The following CFAP69 variants were observed in gnomAD, a reference collection of about 807,000 sequenced individuals.
CFAP69 encodes cilia- and flagella-associated protein 69.
A neutral mutation model predicts 123.0 loss-of-function variants in CFAP69; 92 were observed. The ratio of observed to expected loss-of-function variants is 0.75; its 90% CI spans 0.63 to 0.89. The LOEUF (loss-of-function observed/expected upper bound fraction) is 0.89, where lower values mean the gene tolerates loss of function less well. Ranked by LOEUF, CFAP69 falls within the 40% of genes least tolerant of loss-of-function variation. The pLI is 0.00. For synonymous variants in CFAP69, 380 were observed against 364.3 expected (o/e 1.04, Z -0.49); for missense variants, 1,067 against 1,096.9 (o/e 0.97, Z 0.39).
rs753648703 is a variant in CFAP69 at position 90,286,357 on chromosome 7, A to T, written c.1614A>T (p.Leu538Phe). ...AIVLEIQSDI[L>F]LILSGLCENH... Reference sequence around the variant, plus strand: ...TTTTGGAAATCCAGTCTGATATATTACTTATCCTATCTGGCCTTTGTGAGA... The same window carrying T: ...TTTTGGAAATCCAGTCTGATATATTTCTTATCCTATCTGGCCTTTGTGAGA... Residue 538 changes from leucine to phenylalanine, a missense_variant, in exon 14 of 23, where the codon TTA becomes TTT. Physicochemically the swap from Leu to Phe is conservative, Grantham distance 22. Transcript: ENST00000389297. 5.3e-5 allele frequency: 86 copies of T among 1,612,082 alleles called. No homozygotes were observed. Among genetic ancestry groups the T allele is most frequent in the Non-Finnish European group, 6.5e-5 (77 of 1,179,186 alleles).
At chr7:90,285,481 G>T (rs758292345) in intron 13 of CFAP69, among the ~76,000 whole-genome samples, 1 of 152,072 alleles carries the variant, frequency 6.6e-6, no homozygotes, top group East Asian at 1.9e-4. Flanking sequence ...ATATCATTTC[G>T]TCAGTGTTAG....
Position 90,245,184 on chromosome 7 carries a change from T to G in CFAP69, c.-241T>G. ...CTGGCCCCGCCCCCTAGCAACGCGC[T>G]GGCTTGTGTTAACAACCGGCCCGGG... On this transcript the variant is annotated 5_prime_UTR_variant, in exon 1 of 23. Transcript: ENST00000389297. The G allele has an allele frequency of 4.9e-6, 2 of 408,432 alleles. No homozygotes were observed. The highest frequency in any genetic ancestry group is 4.0e-5 in the East Asian group (1 of 25,004). The allele number at this position is 408,432 out of a possible 1,614,324, so 25.3% of individuals were successfully genotyped here.
rs1796502644 is a variant in CFAP69 at position 90,247,689 on chromosome 7, T to TA, written c.120+2146dup. 4.6e-5 allele frequency among the ~76,000 whole-genome samples: 7 copies of TA among 151,938 alleles called. No homozygotes were observed. In the South Asian group the frequency reaches 1.5e-3, roughly 32 times the overall value. ...GGTGAAACCCCGTCTCTACTAAAAATACAAAAATTAGGTGGGCATGGTGAT... is the reference window on the plus strand; with the variant it reads ...GGTGAAACCCCGTCTCTACTAAAAATAACAAAAATTAGGTGGGCATGGTGAT... On this transcript the variant is annotated intron_variant, in intron 1 of 22. Transcript: ENST00000389297.
At position 90,298,107 on chromosome 7, in the gene CFAP69, A is replaced by G. The variant is rs75980973; in HGVS notation, c.1857+277A>G. ...ATTTGTTTTTCTTTGTACTCCATCA[A>G]CCTGTTAAGAAACAGTTTGTGAAGA... is the stretch of plus-strand genomic sequence containing the variant. On this transcript the variant is annotated intron_variant, in intron 16 of 22. Transcript: ENST00000389297. Among the ~76,000 whole-genome samples, 131 of 152,332 alleles carry G rather than the reference A, an allele frequency of 8.6e-4. 4 individuals are homozygous for G. The East Asian group carries it at 0.025, about 29-fold the overall frequency.
chr7:90,291,082 G>C (rs1249468361), intron 15 of CFAP69, among the ~76,000 whole-genome samples: 1 of 152,146 alleles, frequency 6.6e-6, no homozygotes, highest in Admixed American at 6.6e-5. Flanking sequence ...CGAAAGAGAG[G>C]GTTCTTGGAT....
chr7:90,319,620 G>A, the CFAP69 span: 1 of 398,602 alleles, frequency 2.5e-6, no homozygotes, highest in Non-Finnish European at 4.4e-6. Flanking sequence ...GGAGATCAAT[G>A]TCTTTGGTGA....
At chr7:90,312,643 A>G (rs970521842), downstream of CFAP69, 1 of 152,192 alleles carries the variant, frequency 6.6e-6, no homozygotes, top group Non-Finnish European at 1.5e-5. Flanking sequence ...GCCACCACAC[A>G]GTGAGTGAGT....
chr7:90,302,742 C>T (rs1463610590), intron 17 of CFAP69: 4 of 152,026 alleles, frequency 2.6e-5, no homozygotes, highest in Non-Finnish European at 4.4e-5. Context: ...TTAGTTTGAA[C>T]TTAGGTAACG....
intron 4 of CFAP69, among the ~76,000 whole-genome samples, chr7:90,264,104 A>ATATATAT (rs1316608213): frequency 4.1e-5 from 2 of 48,888 alleles, no homozygotes; most frequent in South Asian, 7.8e-4. Flanking sequence ...AAAAAAAAAA[A>ATATATAT]ATATATATAT....
At chr7:90,299,276 A>G (rs1792424648) in intron 16 of CFAP69, among the ~76,000 whole-genome samples, 1 of 152,166 alleles carries the variant, frequency 6.6e-6, no homozygotes, top group South Asian at 2.1e-4. Flanking sequence ...ATTTTGGTGT[A>G]CTGAAAACTA....
At chr7:90,294,888 G>C (rs1791703040) in intron 15 of CFAP69, among the ~76,000 whole-genome samples, 1 of 152,180 alleles carries the variant, frequency 6.6e-6, no homozygotes, top group African/African-American at 2.4e-5. Flanking sequence ...TGCACAGAGG[G>C]GAAGGGAAGG....
chr7:90,302,462 A>G (rs1370468971), intron 17 of CFAP69: 3 of 152,128 alleles, frequency 2.0e-5, no homozygotes, highest in Admixed American at 1.3e-4. Context: ...TGGGTTTTAC[A>G]TTTAAGTCTT....
intron 20 of CFAP69, 131 bp from the exon 21 acceptor site, chr7:90,307,637 A>T: frequency 1.8e-6 from 1 of 553,170 alleles, no homozygotes; most frequent in Non-Finnish European, 3.1e-6. Flanking sequence ...CTACAGTCTT[A>T]AATTTTTAAA....
In CFAP69 at chr7:90,307,819, T is replaced by G; in HGVS notation, c.2515T>G (p.Phe839Val). 6.2e-7 allele frequency: 1 copy of G among 1,612,496 alleles called. No homozygotes were observed. Among genetic ancestry groups the G allele is most frequent in the Non-Finnish European group, 8.5e-7 (1 of 1,179,156 alleles). Reference protein sequence around the residue: ...RELANKSWEDFLARTSNAKTL... With the variant: ...RELANKSWEDVLARTSNAKTL... ...GCTGGCTAATAAATCATGGGAAGATTTCTTGGCTAGAACATCAAACGCTAA... is the reference window on the plus strand; with the variant it reads ...GCTGGCTAATAAATCATGGGAAGATGTCTTGGCTAGAACATCAAACGCTAA... Residue 839 changes from phenylalanine (F) to valine (V), a missense_variant, in exon 21 of 23, where the codon TTC becomes GTC. Coordinates refer to ENST00000389297, the MANE Select transcript of CFAP69 (RefSeq NM_001039706.3).
rs1372384223 is a variant in CFAP69 at position 90,266,741 on chromosome 7, G to T, written c.433+1364G>T. On this transcript the variant is annotated intron_variant, in intron 5 of 22. Transcript: ENST00000389297. ...GCGAGTACTGCTCTTCTGTTTCTTGGTTTTTTTAATGGCTGGAAACATTAA... is the reference window on the plus strand; with the variant it reads ...GCGAGTACTGCTCTTCTGTTTCTTGTTTTTTTTAATGGCTGGAAACATTAA... Among the ~76,000 whole-genome samples, 6 of 151,740 alleles carry T rather than the reference G, an allele frequency of 4.0e-5. No homozygotes were observed. The East Asian group carries it at 5.8e-4, about 15-fold the overall frequency.
At chr7:90,248,215 T>C (rs1796556315) in intron 1 of CFAP69, among the ~76,000 whole-genome samples, 1 of 152,214 alleles carries the variant, frequency 6.6e-6, no homozygotes, top group African/African-American at 2.4e-5. Context: ...TACCTGGGCT[T>C]TTGATAGCTG....
chr7:90,283,090 A>T (rs1450208362), intron 13 of CFAP69, 34 bp downstream of exon 13: 3 of 1,420,810 alleles, frequency 2.1e-6, no homozygotes, highest in Middle Eastern at 1.9e-4. Context: ...CTGATGAAAG[A>T]GGAATATTTT....
chr7:90,294,849 A>T (rs1267497303), intron 15 of CFAP69, among the ~76,000 whole-genome samples: 1 of 152,210 alleles, frequency 6.6e-6, no homozygotes, highest in Non-Finnish European at 1.5e-5. Flanking sequence ...CAGAGGAGAC[A>T]GTGATTTTTA....
intron 3 of CFAP69, among the ~76,000 whole-genome samples, chr7:90,259,448 G>GTTTGT (rs758206274): frequency 3.4e-5 from 5 of 147,488 alleles, no homozygotes; most frequent in South Asian, 2.2e-4. Context: ...ATAAGAACCA[G>GTTTGT]TTTGTTTTGT....
Sources: gnomAD v4.1 joint callset for allele counts (sites outside exome capture counted in the v4.1 genomes callset) on GRCh38, gnomAD v4.1.1 for gene constraint, MANE v1.5 for transcripts, NCBI Gene and HGNC (gene_info 2026-07-23, HGNC 2026-07-21) for gene names.